The following ANKS1B variants were observed in gnomAD, a reference collection of about 807,000 sequenced individuals.
The protein encoded by ANKS1B is ankyrin repeat and sterile alpha motif domain containing 1B.
ANKS1B carries 36 observed loss-of-function variants against 148.3 expected under a neutral mutation model. The ratio of observed to expected loss-of-function variants is 0.24; its 90% CI spans 0.19 to 0.32. ANKS1B has a LOEUF of 0.32. Among genes scored for constraint, ANKS1B ranks in the 10% least tolerant of loss-of-function variants. ANKS1B has a pLI of 1.00. For missense variants in ANKS1B, 1,157 were observed against 1,542.6 expected (o/e 0.75, Z 4.19); for synonymous variants, 542 against 560.8 (o/e 0.97, Z 0.47).
intron 17 of ANKS1B, among the ~76,000 whole-genome samples, chr12:98,966,887 C>T (rs780977964): frequency 6.5e-4 from 48 of 74,062 alleles, no homozygotes; most frequent in East Asian, 4.9e-3. Context: ...CGGGGCCTGT[C>T]GTGGGGTGGG....
chr12:99,972,438 T>C (rs2095570975), intron 1 of ANKS1B, among the ~76,000 whole-genome samples: 1 of 152,204 alleles, frequency 6.6e-6, no homozygotes, highest in Non-Finnish European at 1.5e-5. Flanking sequence ...ATTGCTGATA[T>C]GGAGAAAGTT....
intron 1 of ANKS1B, among the ~76,000 whole-genome samples, chr12:99,878,209 C>T (rs2092253811): frequency 6.6e-6 from 1 of 152,100 alleles, no homozygotes. Flanking sequence ...ACTGTAGCTC[C>T]AGACATCTTG....
At chr12:99,555,461 A>G (rs1216913466) in intron 9 of ANKS1B, among the ~76,000 whole-genome samples, 1 of 152,052 alleles carries the variant, frequency 6.6e-6, no homozygotes, top group Non-Finnish European at 1.5e-5. Flanking sequence ...CTTGGCTAGG[A>G]CTTCCAGTAC....
Position 99,559,334 on chromosome 12 carries a change from C to T in ANKS1B, c.1273-54693G>A, listed in dbSNP as rs116831026. Among the ~76,000 whole-genome samples the T allele has an allele frequency of 9.7e-3, 1,474 of 152,234 alleles. 13 individuals are homozygous for T. Among genetic ancestry groups the T allele is most frequent in the African/African-American group, 0.034 (1,410 of 41,536 alleles). ...TTTTTAAATCAGTGTTGATTTTGCACAATATTTTAGAAGCTTCTTTCTGCA... is the reference window on the plus strand; with the variant it reads ...TTTTTAAATCAGTGTTGATTTTGCATAATATTTTAGAAGCTTCTTTCTGCA... On this transcript the variant is annotated intron_variant, in intron 9 of 26. Coordinates refer to ENST00000683438, the MANE Select transcript of ANKS1B (RefSeq NM_001352186.2).
chr12:99,773,267 C>A (rs1018966472), intron 7 of ANKS1B, among the ~76,000 whole-genome samples, 179 bp from the exon 8 acceptor site: 2 of 151,956 alleles, frequency 1.3e-5, no homozygotes, highest in African/African-American at 4.8e-5. Flanking sequence ...TATTAATGGG[C>A]AAAAGAGATT....
chr12:98,946,774 G>GA (rs2099846081), intron 17 of ANKS1B, among the ~76,000 whole-genome samples: 1 of 151,104 alleles, frequency 6.6e-6, no homozygotes, highest in East Asian at 1.9e-4. Flanking sequence ...TATCTCTACT[G>GA]AAAAAAGCAA....
At chr12:99,410,677 A>G (rs116063966) in intron 11 of ANKS1B, among the ~76,000 whole-genome samples, 3,718 of 152,148 alleles carry the variant, frequency 0.024, 152 homozygotes, top group African/African-American at 0.085. Context: ...TCAAACAAAC[A>G]AACAAACCAA....
At chr12:98,917,341 A>C (rs915060483) in intron 17 of ANKS1B, among the ~76,000 whole-genome samples, 1 of 152,066 alleles carries the variant, frequency 6.6e-6, no homozygotes, top group Non-Finnish European at 1.5e-5. Flanking sequence ...TCCCCACCCT[A>C]TGCTACCCTC....
At chr12:99,934,007 T>C (rs1429559095) in intron 1 of ANKS1B, among the ~76,000 whole-genome samples, 4 of 152,140 alleles carry the variant, frequency 2.6e-5, no homozygotes, top group African/African-American at 9.6e-5. Flanking sequence ...ATATAGTTTT[T>C]CTCAGTATCT....
chr12:99,432,149 A>G (rs933160872), intron 11 of ANKS1B, among the ~76,000 whole-genome samples: 6 of 152,204 alleles, frequency 3.9e-5, no homozygotes, highest in Non-Finnish European at 8.8e-5. Flanking sequence ...AGATGTCAAC[A>G]CGATGCTTCT....
At chr12:98,875,298 T>C (rs973442000) in intron 17 of ANKS1B, among the ~76,000 whole-genome samples, 2 of 152,220 alleles carry the variant, frequency 1.3e-5, no homozygotes, top group Admixed American at 6.5e-5. Context: ...GTCAGAACAA[T>C]CTTTCTGGAA....
chr12:98,853,026 C>G (rs1281653004), intron 17 of ANKS1B, among the ~76,000 whole-genome samples: 1 of 152,148 alleles, frequency 6.6e-6, no homozygotes, highest in Non-Finnish European at 1.5e-5. Flanking sequence ...AAAATATGTT[C>G]AGATTCTTGT....
At chr12:99,613,981 C>A (rs957295466) in intron 9 of ANKS1B, among the ~76,000 whole-genome samples, 1 of 151,744 alleles carries the variant, frequency 6.6e-6, no homozygotes, top group Non-Finnish European at 1.5e-5. Context: ...TCAAAGTTTT[C>A]TAAATATCCC....
At chr12:99,291,416 A>G (rs1345899787) in intron 12 of ANKS1B, among the ~76,000 whole-genome samples, 1 of 152,180 alleles carries the variant, frequency 6.6e-6, no homozygotes, top group Non-Finnish European at 1.5e-5. Context: ...TGGAACCACA[A>G]AAGAACTAGG....
chr12:98,952,103 C>T (rs1047410193), intron 17 of ANKS1B, among the ~76,000 whole-genome samples: 5 of 152,192 alleles, frequency 3.3e-5, no homozygotes, highest in African/African-American at 1.2e-4. Flanking sequence ...ATATAAACTG[C>T]ATTCAACTCT....
At chr12:99,314,089 G>A (rs1322319619) in intron 12 of ANKS1B, among the ~76,000 whole-genome samples, 7 of 152,048 alleles carry the variant, frequency 4.6e-5, no homozygotes, top group African/African-American at 7.2e-5. Flanking sequence ...CAAAATCAAC[G>A]TGCAAAAATC....
At chr12:99,276,219 T>C (rs1158312963) in intron 12 of ANKS1B, among the ~76,000 whole-genome samples, 1 of 152,172 alleles carries the variant, frequency 6.6e-6, no homozygotes, top group African/African-American at 2.4e-5. Flanking sequence ...ATATTTCATC[T>C]CACTAGACGG....
chr12:99,963,915 C>A (rs181782623), intron 1 of ANKS1B, among the ~76,000 whole-genome samples: 5 of 152,308 alleles, frequency 3.3e-5, no homozygotes, highest in Non-Finnish European at 7.3e-5. Context: ...TCGAATTCTG[C>A]AAACTCAACT....
chr12:98,874,108 C>T (rs2099680709), intron 17 of ANKS1B, among the ~76,000 whole-genome samples: 1 of 152,084 alleles, frequency 6.6e-6, no homozygotes, highest in South Asian at 2.1e-4. Context: ...TAATCTAAAA[C>T]ATACAGAATC....
Sources: allele counts gnomAD v4.1 joint callset (sites outside exome capture counted in the v4.1 genomes callset), GRCh38; gene constraint gnomAD v4.1.1; transcripts MANE v1.5; gene names NCBI Gene and HGNC (gene_info 2026-07-23, HGNC 2026-07-21).